SPMAP2L: variants seen among roughly 807,000 people sequenced by gnomAD.
The protein encoded by SPMAP2L is sperm microtubule associated protein 2-like.
chr4:56,548,846 T>C, the SPMAP2L span: 2 of 1,451,528 alleles, frequency 1.4e-6, no homozygotes, highest in Middle Eastern at 1.8e-4. Flanking sequence ...TATAGTACTA[T>C]TTTCACAGAC....
chr4:56,588,319 T>C, the SPMAP2L span, among the ~76,000 whole-genome samples: 1 of 152,254 alleles, frequency 6.6e-6, no homozygotes, highest in Non-Finnish European at 1.5e-5. Flanking sequence ...TTTAGTTTAA[T>C]TAAGTCTCAG....
At chr4:56,555,242 A>G in the SPMAP2L span, among the ~76,000 whole-genome samples, 2 of 152,082 alleles carry the variant, frequency 1.3e-5, no homozygotes, top group African/African-American at 4.8e-5. Flanking sequence ...CCTGGCCAGG[A>G]CTATCATTTC....
At chr4:56,541,691 C>T in the SPMAP2L span, among the ~76,000 whole-genome samples, 6 of 152,204 alleles carry the variant, frequency 3.9e-5, no homozygotes, top group Admixed American at 1.3e-4. Flanking sequence ...AAAGAAACTG[C>T]CAGATACCAT....
the SPMAP2L span, among the ~76,000 whole-genome samples, chr4:56,553,048 T>G: frequency 3.3e-5 from 5 of 152,254 alleles, no homozygotes; most frequent in Non-Finnish European, 2.9e-5. Flanking sequence ...TCTAAGCCTC[T>G]TATTAGAACA....
chr4:56,545,463 G>T, the SPMAP2L span, among the ~76,000 whole-genome samples: 353 of 152,182 alleles, frequency 2.3e-3, 1 homozygote, highest in African/African-American at 8.0e-3. Context: ...GCTACGTGTG[G>T]TGACTCATGC....
chr4:56,537,285 G>T, the SPMAP2L span, among the ~76,000 whole-genome samples: 4 of 152,200 alleles, frequency 2.6e-5, no homozygotes, highest in South Asian at 4.1e-4. Context: ...CCCCTAGGTG[G>T]TCATAACCAC....
At chr4:56,615,770 AAC>A in the SPMAP2L span, among the ~76,000 whole-genome samples, 1 of 151,880 alleles carries the variant, frequency 6.6e-6, no homozygotes, top group Non-Finnish European at 1.5e-5. Flanking sequence ...CAAACAAACA[AAC>A]AAACAAACAA....
the SPMAP2L span, among the ~76,000 whole-genome samples, chr4:56,535,532 C>T: frequency 1.3e-5 from 2 of 152,110 alleles, no homozygotes; most frequent in African/African-American, 4.8e-5. Flanking sequence ...CATGCAGACC[C>T]CCTTAGAGTT....
chr4:56,593,040 A>C, the SPMAP2L span: 1 of 1,592,458 alleles, frequency 6.3e-7, no homozygotes, highest in Non-Finnish European at 8.6e-7. Context: ...AGCAAAAACC[A>C]GATCTGGAGA....
At chr4:56,548,330 CTT>C in the SPMAP2L span, among the ~76,000 whole-genome samples, 2 of 151,808 alleles carry the variant, frequency 1.3e-5, no homozygotes, top group Non-Finnish European at 2.9e-5. Flanking sequence ...TGTTCTCATC[CTT>C]TGTCTATTTA....
chr4:56,603,319 G>T, the SPMAP2L span: 1 of 1,529,636 alleles, frequency 6.5e-7, no homozygotes, highest in Non-Finnish European at 8.7e-7. Context: ...CCTCTTACAC[G>T]TTAAATACAG....
chr4:56,604,912 C>G, the SPMAP2L span, among the ~76,000 whole-genome samples: 1 of 152,136 alleles, frequency 6.6e-6, no homozygotes, highest in Admixed American at 6.5e-5. Context: ...ATGGAAAAAC[C>G]AAACATTGTA....
chr4:56,534,736 C>T, the SPMAP2L span, among the ~76,000 whole-genome samples: 7 of 152,036 alleles, frequency 4.6e-5, no homozygotes, highest in East Asian at 1.9e-4. Flanking sequence ...AGACCAGCCT[C>T]GCCAACATGG....
At chr4:56,625,116 GT>G in the SPMAP2L span, among the ~76,000 whole-genome samples, 3 of 152,066 alleles carry the variant, frequency 2.0e-5, no homozygotes, top group Admixed American at 2.0e-4. Context: ...GAGACCTGGA[GT>G]CAAAGGAGAT....
the SPMAP2L span, among the ~76,000 whole-genome samples, chr4:56,611,997 C>G: frequency 1.3e-4 from 20 of 152,284 alleles, no homozygotes; most frequent in Admixed American, 1.2e-3. Flanking sequence ...TTGCTTTAGC[C>G]AGCTCTAAAT....
At chr4:56,588,904 TG>T in the SPMAP2L span, among the ~76,000 whole-genome samples, 1 of 152,210 alleles carries the variant, frequency 6.6e-6, no homozygotes, top group African/African-American at 2.4e-5. Context: ...TTTATGCTTT[TG>T]TTTGCTTTGT....
the SPMAP2L span, among the ~76,000 whole-genome samples, chr4:56,597,796 A>G: frequency 1.3e-5 from 2 of 152,214 alleles, no homozygotes; most frequent in African/African-American, 4.8e-5. Flanking sequence ...GCAATGCAGA[A>G]CACTTTCAAG....
chr4:56,598,433 TG>T, the SPMAP2L span, among the ~76,000 whole-genome samples: 2 of 152,082 alleles, frequency 1.3e-5, no homozygotes, highest in Non-Finnish European at 2.9e-5. Flanking sequence ...TGAGCTAATG[TG>T]GGTGTTGACA....
chr4:56,567,865 AT>A, the SPMAP2L span, among the ~76,000 whole-genome samples: 1 of 152,100 alleles, frequency 6.6e-6, no homozygotes, highest in African/African-American at 2.4e-5. Flanking sequence ...GTTCATTAAA[AT>A]TGGATCTTTA....
Sources: allele counts gnomAD v4.1 joint callset (sites outside exome capture counted in the v4.1 genomes callset), GRCh38; gene constraint gnomAD v4.1.1; transcripts MANE v1.5; gene names NCBI Gene and HGNC (gene_info 2026-07-23, HGNC 2026-07-21).